Variants in USP9X observed in about 807,000 individuals in gnomAD.
USP9X encodes ubiquitin carboxyl-terminal hydrolase 9X.
In USP9X, 7 loss-of-function variants were observed where a neutral mutation model predicts 190.3. That is an observed-to-expected ratio of 0.04 (90% confidence interval 0.02 to 0.07). USP9X has a LOEUF of 0.07. USP9X is among the 10% of genes least tolerant of loss of function. The pLI is 1.00. For synonymous variants in USP9X, 645 were observed against 659.5 expected (o/e 0.98, Z 0.34); for missense variants, 1,010 against 1,916.9 (o/e 0.53, Z 8.83).
chrX:41,125,172 T>C (rs926164066), intron 2 of USP9X, among the ~76,000 whole-genome samples: 8 of 110,537 alleles, frequency 7.2e-5, no homozygotes, highest in Non-Finnish European at 1.3e-4. Context: ...ACCTCCCTGG[T>C]TCAAGCGATT....
At chrX:41,115,896 G>A (rs939710663) in intron 1 of USP9X, among the ~76,000 whole-genome samples, 7 of 111,961 alleles carry the variant, frequency 6.3e-5, no homozygotes, top group African/African-American at 1.9e-4. Context: ...TTTTAGCAGA[G>A]TTGGGATAAT....
intron 15 of USP9X, among the ~76,000 whole-genome samples, chrX:41,165,311 C>T (rs937764284): frequency 1.5e-4 from 17 of 111,669 alleles, no homozygotes; most frequent in African/African-American, 4.6e-4. Flanking sequence ...CTGCAACCTC[C>T]GCCTCCCGGG....
At chrX:41,196,873 C>T in intron 28 of USP9X, 135 bp downstream of exon 28, 1 of 493,018 alleles carries the variant, frequency 2.0e-6, no homozygotes, top group Non-Finnish European at 3.2e-6. Context: ...AGAATGTACT[C>T]TGCATCAGTG....
chrX:41,198,424 T>A, intron 29 of USP9X, 104 bp from the exon 30 acceptor site: 1 of 428,587 alleles, frequency 2.3e-6, no homozygotes, highest in Non-Finnish European at 3.4e-6. Context: ...AATGAGATCT[T>A]AAATTCCAAT....
At chrX:41,211,749 G>A (rs1311393297) in intron 33 of USP9X, among the ~76,000 whole-genome samples, 3 of 108,830 alleles carry the variant, frequency 2.8e-5, no homozygotes, top group African/African-American at 6.7e-5. Context: ...TGCCCCATCC[G>A]GGAGGTGAGG....
At chrX:41,197,330 T>TTCCCC in intron 28 of USP9X, 34 bp from the exon 29 acceptor site, 3 of 709,796 alleles carry the variant, frequency 4.2e-6, no homozygotes, top group South Asian at 3.6e-5. Flanking sequence ...ATTTGATTTC[T>TTCCCC]TCCCCCCCCC....
chrX:41,159,605 C>T (rs1373911868), intron 14 of USP9X, among the ~76,000 whole-genome samples: 1 of 110,609 alleles, frequency 9.0e-6, no homozygotes, highest in African/African-American at 3.3e-5. Context: ...GCTCGGCACA[C>T]TGCAACCTCC....
intron 1 of USP9X, among the ~76,000 whole-genome samples, chrX:41,119,456 C>T (rs988342071): frequency 5.4e-5 from 6 of 111,341 alleles, no homozygotes; most frequent in Admixed American, 4.8e-4. Context: ...GAAGGGCAGA[C>T]ACTGGTGATT....
At chrX:41,129,282 G>C in intron 3 of USP9X, 137 bp downstream of exon 3, 1 of 635,626 alleles carries the variant, frequency 1.6e-6, no homozygotes, top group Non-Finnish European at 2.3e-6. Context: ...AAATGAAAGG[G>C]AGTGACAGTG....
intron 26 of USP9X, chrX:41,189,979 C>T (rs1256346803): frequency 2.7e-5 from 3 of 112,236 alleles, no homozygotes; most frequent in African/African-American, 9.7e-5. Context: ...TCTTTTTCTG[C>T]AAGTCAGTCA....
In USP9X at chrX:41,120,607, C is replaced by T. The variant is rs187665248; in HGVS notation, c.-158-2864C>T. ...CTGCCTCCCAGGTTCACGCCATTCT[C>T]CTGCCTCAGCCTCTCCAGGTAGCTG... On this transcript the variant is annotated intron_variant, in intron 1 of 44. Transcript: ENST00000378308. 4.1e-4 allele frequency among the ~76,000 whole-genome samples: 45 copies of T among 110,072 alleles called. No individual in the cohort carries two copies. The East Asian group carries it at 0.012, about 30-fold the overall frequency.
Position 41,229,571 on chromosome X carries a change from A to G in USP9X, c.7223A>G (p.Asn2408Ser). Residue 2408 changes from asparagine to serine, a missense_variant, in exon 43 of 45, where the codon AAT becomes AGT. Around this residue, in one of 11 missense-constraint regions of USP9X, gnomAD observed 20 missense variants for 59.3 expected, o/e 0.34. Transcript: ENST00000378308. ...TGGTTTTATTTTCTTTTGCAGGGCAATGGAGATCTTAAAAGAAAGTGGACC... is the reference window on the plus strand; with the variant it reads ...TGGTTTTATTTTCTTTTGCAGGGCAGTGGAGATCTTAAAAGAAAGTGGACC... ...CPVAYQILQG[N>S]GDLKRKWTWA... 8.3e-7 allele frequency: 1 copy of G among 1,211,569 alleles called. No individual in the cohort carries two copies. The highest frequency in any genetic ancestry group is 1.1e-6 in the Non-Finnish European group (1 of 895,444).
At chrX:41,199,280 G>A (rs1276443541) in intron 30 of USP9X, among the ~76,000 whole-genome samples, 3 of 112,711 alleles carry the variant, frequency 2.7e-5, no homozygotes, top group African/African-American at 9.7e-5. Context: ...TTGTTAAGTG[G>A]CATCCTATAA....
At chrX:41,087,439 T>C (rs900743081) in intron 1 of USP9X, among the ~76,000 whole-genome samples, 8 of 112,488 alleles carry the variant, frequency 7.1e-5, no homozygotes, top group African/African-American at 1.9e-4. Context: ...AACTCTCCTT[T>C]AGATCTCGCT....
chrX:41,190,586 G>A (rs1489837430), intron 26 of USP9X, among the ~76,000 whole-genome samples: 1 of 111,943 alleles, frequency 8.9e-6, no homozygotes, highest in Non-Finnish European at 1.9e-5. Flanking sequence ...GGATAGGAAA[G>A]ATGATTAGCC....
At chrX:41,205,089 A>G (rs1008359335) in intron 31 of USP9X, 2 of 327,511 alleles carry the variant, frequency 6.1e-6, no homozygotes, top group Non-Finnish European at 1.0e-5. Flanking sequence ...TATATTATCT[A>G]TCTTTCTTAC....
At chrX:41,186,668 C>T (rs756768744) in intron 24 of USP9X, 26 bp downstream of exon 24, 6 of 1,206,039 alleles carry the variant, frequency 5.0e-6, no homozygotes, top group Non-Finnish European at 3.4e-6. Flanking sequence ...ACTTCTGTCA[C>T]AATTTTAACT....
At chrX:41,223,083 T>C in intron 38 of USP9X, 134 bp from the exon 39 acceptor site, 2 of 623,660 alleles carry the variant, frequency 3.2e-6, no homozygotes, top group Non-Finnish European at 4.8e-6. Flanking sequence ...ATCAAAATTT[T>C]TCTGATCATA....
chrX:41,195,926 G>C (rs780791365), intron 26 of USP9X: 15 of 377,635 alleles, frequency 4.0e-5, no homozygotes, highest in Non-Finnish European at 6.5e-5. Context: ...AGGCCAAAAA[G>C]ATGCATAAGG....
Sources: allele counts gnomAD v4.1 joint callset (sites outside exome capture counted in the v4.1 genomes callset), GRCh38; gene constraint gnomAD v4.1.1; regional missense constraint gnomAD v4.1.1; transcripts MANE v1.5; gene names NCBI Gene and HGNC (gene_info 2026-07-23, HGNC 2026-07-21).